The following CLEC4A variants were observed in gnomAD, a reference collection of about 807,000 sequenced individuals.
CLEC4A encodes the protein C-type (calcium dependent, carbohydrate-recognition domain) lectin, superfamily member 6.
Under a neutral mutation model 32.7 loss-of-function variants are expected in CLEC4A, and 27 were observed. The ratio of observed to expected loss-of-function variants is 0.83; its 90% CI spans 0.61 to 1.14. CLEC4A has a LOEUF of 1.14. Ranked by LOEUF, CLEC4A falls within the 50% of genes most tolerant of loss-of-function variation. The pLI is 0.00. For synonymous variants in CLEC4A, 89 were observed against 93.7 expected (o/e 0.95, Z 0.29); for missense variants, 253 against 274.6 (o/e 0.92, Z 0.55).
chr12:8,135,291 G>A (rs1176839493), intron 3 of CLEC4A, among the ~76,000 whole-genome samples: 1 of 151,370 alleles, frequency 6.6e-6, no homozygotes, highest in Admixed American at 6.6e-5. Flanking sequence ...TTGAACTCTG[G>A]ATATTTTTGC....
chr12:8,107,124 T>G, the CLEC4A span, among the ~76,000 whole-genome samples: 1 of 152,192 alleles, frequency 6.6e-6, no homozygotes, highest in Non-Finnish European at 1.5e-5. Flanking sequence ...TTGCATCTAT[T>G]TAGATGATTG....
At chr12:8,122,550 G>T (rs753755401), upstream of CLEC4A, among the ~76,000 whole-genome samples, 2 of 152,230 alleles carry the variant, frequency 1.3e-5, no homozygotes, top group South Asian at 4.1e-4. Context: ...TGGTGGCTTG[G>T]ACTGGGGAGT....
Position 8,123,759 on chromosome 12 carries a change from T to C in CLEC4A, c.-120T>C, listed in dbSNP as rs1030801187. 1.3e-5 allele frequency: 9 copies of C among 674,712 alleles called. No individual in the cohort carries two copies. Among genetic ancestry groups the C allele is most frequent in the Non-Finnish European group, 2.1e-5 (8 of 376,158 alleles). The allele number at this position is 674,712 out of a possible 1,614,324, so 41.8% of individuals were successfully genotyped here. On this transcript the variant is annotated 5_prime_UTR_variant, in exon 1 of 6. Transcript: ENST00000229332. ...ATGTGCCTATCTGGTGCCTCTGCTC[T>C]CCACTAGTTGAGTGAAAGGAAGGAG...
intron 1 of CLEC4A, 88 bp from the exon 2 acceptor site, chr12:8,125,473 C>A: frequency 2.7e-6 from 2 of 742,820 alleles, no homozygotes; most frequent in South Asian, 1.6e-5. Flanking sequence ...GTGTGTCATC[C>A]AAGAAAAGAG....
chr12:8,105,854 A>G, the CLEC4A span, among the ~76,000 whole-genome samples: 2 of 152,074 alleles, frequency 1.3e-5, no homozygotes, highest in African/African-American at 4.8e-5. Flanking sequence ...TTACTCTGTG[A>G]ATAGTTTATT....
At position 8,138,160 on chromosome 12, in the gene CLEC4A, C is replaced by T; in HGVS notation, c.587C>T (p.Pro196Leu). 6.2e-7 allele frequency: 1 copy of T among 1,613,962 alleles called. No homozygotes were observed. Among genetic ancestry groups the T allele is most frequent in the Admixed American group, 1.7e-5 (1 of 59,994 alleles). Residue 196 changes from proline (P) to leucine (L), a missense_variant, in exon 6 of 6, where the codon CCC (proline) becomes CTC (leucine). Transcript: ENST00000229332. ...ESSTFWHPREPSDPNERCVVL... is the reference protein window; with the variant it reads ...ESSTFWHPRELSDPNERCVVL... Reference sequence around the variant, plus strand: ...TTCAGATTCTGGCATCCACGTGAGCCCAGTGATCCCAATGAGCGCTGCGTT... The same window carrying T: ...TTCAGATTCTGGCATCCACGTGAGCTCAGTGATCCCAATGAGCGCTGCGTT...
At chr12:8,120,437 G>T (rs766290070), upstream of CLEC4A, among the ~76,000 whole-genome samples, 3 of 152,132 alleles carry the variant, frequency 2.0e-5, no homozygotes, top group East Asian at 5.8e-4. Context: ...GGATTTAAAG[G>T]CTACCTCCAG....
chr12:8,105,953 A>T, the CLEC4A span, among the ~76,000 whole-genome samples: 2 of 152,048 alleles, frequency 1.3e-5, no homozygotes, highest in African/African-American at 4.8e-5. Context: ...TCTTTATGAA[A>T]TCTTTGCCCA....
At chr12:8,135,952 A>G (rs1452658318) in intron 4 of CLEC4A, among the ~76,000 whole-genome samples, 1 of 152,248 alleles carries the variant, frequency 6.6e-6, no homozygotes, top group Non-Finnish European at 1.5e-5. Flanking sequence ...CATTAAAAAT[A>G]TATGAGGGTT....
chr12:8,138,166 A>G lies in CLEC4A; in HGVS notation c.593A>G (p.Asp198Gly), dbSNP rs1948159436. The change falls in exon 6 of 6, where the codon GAT (aspartate) becomes GGT (glycine). Residue 198 changes from aspartate (D) to glycine (G), a missense_variant. Transcript: ENST00000229332. ...TTCTGGCATCCACGTGAGCCCAGTG[A>G]TCCCAATGAGCGCTGCGTTGTGCTA... ...STFWHPREPSDPNERCVVLNF... is the reference protein window; with the variant it reads ...STFWHPREPSGPNERCVVLNF... The G allele has an allele frequency of 2.5e-6, 4 of 1,614,088 alleles. No homozygotes were observed. Among genetic ancestry groups the G allele is most frequent in the Non-Finnish European group, 3.4e-6 (4 of 1,180,002 alleles).
At chr12:8,132,395 C>G (rs1466030750) in intron 3 of CLEC4A, among the ~76,000 whole-genome samples, 1 of 152,122 alleles carries the variant, frequency 6.6e-6, no homozygotes, top group African/African-American at 2.4e-5. Context: ...TAGACATCTC[C>G]TTTGACTCGT....
the CLEC4A span, among the ~76,000 whole-genome samples, chr12:8,116,117 C>T: frequency 1.3e-5 from 2 of 152,044 alleles, no homozygotes; most frequent in African/African-American, 4.8e-5. Flanking sequence ...TGCACCACTA[C>T]TGCCTGGCTA....
chr12:8,134,973 G>GTTTTTTTTTTTT lies in CLEC4A; in HGVS notation c.299-607_299-606insTTTTTTTTTTTT, dbSNP rs371181779. Reference sequence around the variant, plus strand: ...CATGTCTGTATCTTCTTGTTGAAGCGTTTTTGTTTTTTGTTTTTTTTTAAT... The same window carrying GTTTTTTTTTTTT: ...CATGTCTGTATCTTCTTGTTGAAGCGTTTTTTTTTTTTTTTTTGTTTTTTGTTTTTTTTTAAT... On this transcript the variant is annotated intron_variant, in intron 3 of 5. Transcript: ENST00000229332. The GTTTTTTTTTTTT allele has an allele frequency of 2.9e-4, 92 of 318,782 alleles. 5 individuals are homozygous for GTTTTTTTTTTTT. The African/African-American group carries it at 3.9e-3, about 14-fold the overall frequency. The allele number at this position is 318,782 out of a possible 1,614,324, so 19.7% of individuals were successfully genotyped here. A position where few individuals can be genotyped will look rare whatever the true frequency, so the allele number is the denominator to read the frequency against.
At chr12:8,134,515 C>T in intron 3 of CLEC4A, 2 of 1,613,856 alleles carry the variant, frequency 1.2e-6, no homozygotes, top group Non-Finnish European at 1.7e-6. Flanking sequence ...GTGCAGGGCT[C>T]CGGGGAGGCC....
chr12:8,128,487 C>G (rs749129679), intron 2 of CLEC4A, among the ~76,000 whole-genome samples: 2 of 151,528 alleles, frequency 1.3e-5, no homozygotes, highest in African/African-American at 4.9e-5. Context: ...CTCAGCTCAC[C>G]GCAACCTCCG....
Position 8,134,166 on chromosome 12 carries a change from G to A in CLEC4A, c.299-1419G>A, listed in dbSNP as rs7315526. On this transcript the variant is annotated intron_variant, in intron 3 of 5. Transcript: ENST00000229332. ...TCGATACTGGTTCGCTTTCTCTTTCGGGCCTGCACGAGGGTTTCTGCTTTG... is the reference window on the plus strand; with the variant it reads ...TCGATACTGGTTCGCTTTCTCTTTCAGGCCTGCACGAGGGTTTCTGCTTTG... 4 of 1,607,742 alleles carry A rather than the reference G, an allele frequency of 2.5e-6. No homozygotes were observed. In the South Asian group the frequency reaches 4.4e-5, roughly 18 times the overall value.
At chr12:8,122,377 A>C (rs763131670), upstream of CLEC4A, among the ~76,000 whole-genome samples, 6 of 149,982 alleles carry the variant, frequency 4.0e-5, no homozygotes, top group South Asian at 1.3e-3. Flanking sequence ...GAGTGCAAGC[A>C]GAGTGAGGAG....
upstream of CLEC4A, among the ~76,000 whole-genome samples, chr12:8,118,850 G>T (rs1947809423): frequency 6.6e-6 from 1 of 152,122 alleles, no homozygotes; most frequent in East Asian, 1.9e-4. Flanking sequence ...AGGGCTTTGT[G>T]GATGGAATTA....
intron 2 of CLEC4A, among the ~76,000 whole-genome samples, chr12:8,126,648 G>C (rs1947906350): frequency 6.6e-6 from 1 of 152,180 alleles, no homozygotes; most frequent in Non-Finnish European, 1.5e-5. Flanking sequence ...AGTCAAGACA[G>C]AGCCACAGCC....
Sources: gnomAD v4.1 joint callset for allele counts (sites outside exome capture counted in the v4.1 genomes callset) on GRCh38, gnomAD v4.1.1 for gene constraint, MANE v1.5 for transcripts, NCBI Gene and HGNC (gene_info 2026-07-23, HGNC 2026-07-21) for gene names.